The following GRIN2B variants were observed in gnomAD, a reference collection of about 807,000 sequenced individuals.
GRIN2B encodes the protein glutamate receptor ionotropic, NMDA 2B.
Under a neutral mutation model 114.5 loss-of-function variants are expected in GRIN2B, and 5 were observed. That is an observed-to-expected ratio of 0.04 (90% confidence interval 0.02 to 0.09). GRIN2B has a LOEUF of 0.09. GRIN2B is among the 10% of genes least tolerant of loss of function. The pLI, the probability that GRIN2B is intolerant of heterozygous loss-of-function variation, is 1.00. For missense variants in GRIN2B, 1,108 were observed against 1,943.5 expected, an observed-to-expected ratio of 0.57 and a Z score of 8.08; for synonymous variants, 787 against 745.1, an observed-to-expected ratio of 1.06 and a Z score of -0.92.
intron 5 of GRIN2B, among the ~76,000 whole-genome samples, chr12:13,622,311 C>T (rs1033279798): frequency 6.6e-6 from 1 of 152,132 alleles, no homozygotes; most frequent in African/African-American, 2.4e-5. Flanking sequence ...CATGCTATTT[C>T]CCTGAGCAAG....
At chr12:13,957,365 CAGAG>C (rs1219108081) in intron 2 of GRIN2B, among the ~76,000 whole-genome samples, 10 of 151,688 alleles carry the variant, frequency 6.6e-5, no homozygotes, top group Non-Finnish European at 1.3e-4. Context: ...AAGCTTGAGA[CAGAG>C]AGAGAGAGGA....
chr12:13,778,465 A>G (rs750135682), intron 3 of GRIN2B, among the ~76,000 whole-genome samples: 4 of 152,212 alleles, frequency 2.6e-5, no homozygotes, highest in Admixed American at 2.0e-4. Context: ...AGCCAGCCTT[A>G]GGGAGGGGAC....
At chr12:13,574,804 A>AG (rs1160270700) in intron 10 of GRIN2B, among the ~76,000 whole-genome samples, 2 of 152,268 alleles carry the variant, frequency 1.3e-5, no homozygotes, top group Non-Finnish European at 2.9e-5. Context: ...AGGAAAAAAA[A>AG]GTTAAAGGAT....
intron 10 of GRIN2B, among the ~76,000 whole-genome samples, chr12:13,603,582 C>A (rs543971670): frequency 6.6e-6 from 1 of 151,846 alleles, no homozygotes; most frequent in East Asian, 1.9e-4. Flanking sequence ...AAAAATCTTA[C>A]CTGGGAAGTT....
intron 4 of GRIN2B, among the ~76,000 whole-genome samples, chr12:13,737,716 T>C (rs191419643): frequency 9.8e-5 from 15 of 152,294 alleles, no homozygotes; most frequent in African/African-American, 3.6e-4. Flanking sequence ...AAGCCAATGA[T>C]AAAAATTACC....
intron 2 of GRIN2B, among the ~76,000 whole-genome samples, chr12:13,947,567 A>G (rs1867383942): frequency 6.6e-6 from 1 of 152,196 alleles, no homozygotes; most frequent in South Asian, 2.1e-4. Flanking sequence ...TCCAGTAGCA[A>G]TCCTATCCAC....
chr12:13,729,129 T>G (rs543443631), intron 4 of GRIN2B, among the ~76,000 whole-genome samples: 1 of 152,188 alleles, frequency 6.6e-6, no homozygotes, highest in African/African-American at 2.4e-5. Flanking sequence ...TATTTTTCTG[T>G]TTTTTTCTTA....
intron 5 of GRIN2B, 120 bp downstream of exon 5, chr12:13,675,625 A>T: frequency 1.3e-6 from 1 of 743,974 alleles, no homozygotes; most frequent in South Asian, 1.4e-5. Flanking sequence ...GTATCAAGGT[A>T]TTGATCCCTT....
chr12:13,676,740 G>A (rs1950078216), intron 4 of GRIN2B, among the ~76,000 whole-genome samples: 1 of 152,058 alleles, frequency 6.6e-6, no homozygotes, highest in African/African-American at 2.4e-5. Flanking sequence ...TCTTGCTAAG[G>A]TCTTGCCAAG....
intron 3 of GRIN2B, among the ~76,000 whole-genome samples, chr12:13,853,838 C>T (rs1452689453): frequency 6.6e-6 from 1 of 152,026 alleles, no homozygotes; most frequent in East Asian, 1.9e-4. Flanking sequence ...CATTTGCTGC[C>T]CCGAAATAAT....
intron 2 of GRIN2B, among the ~76,000 whole-genome samples, chr12:13,949,616 G>A (rs983645074): frequency 2.6e-5 from 4 of 152,186 alleles, no homozygotes; most frequent in African/African-American, 9.7e-5. Context: ...AGCCTCTACA[G>A]GAGGGTGTCA....
chr12:13,606,152 T>C (rs1261069272), intron 10 of GRIN2B, among the ~76,000 whole-genome samples: 1 of 152,192 alleles, frequency 6.6e-6, no homozygotes, highest in Non-Finnish European at 1.5e-5. Flanking sequence ...ACATCCATGT[T>C]TTAGGGTGGT....
Position 13,542,165 on chromosome 12 carries a change from A to G in GRIN2B, c.*20618T>C, listed in dbSNP as rs1177141949. 6.6e-6 allele frequency: 1 copy of G among 152,226 alleles called. No individual in the cohort carries two copies. Among genetic ancestry groups the G allele is most frequent in the Non-Finnish European group, 1.5e-5 (1 of 68,044 alleles). The allele number at this position is 152,226 out of a possible 1,614,324, so 9.4% of individuals were successfully genotyped here. On this transcript the variant is annotated 3_prime_UTR_variant, in exon 14 of 14. Coordinates refer to ENST00000609686, the MANE Select transcript of GRIN2B (RefSeq NM_000834.5). ...TGTTTCTGTCACAAAAGAAAATACA[A>G]AATCAAAATGATCTGTCAGAGAAAA...
intron 2 of GRIN2B, among the ~76,000 whole-genome samples, chr12:13,957,201 C>T (rs946399387): frequency 4.6e-5 from 7 of 152,142 alleles, no homozygotes; most frequent in South Asian, 2.1e-4. Context: ...GGACTCGGCT[C>T]AGCTGCAACA....
chr12:13,715,133 C>T (rs894823100), intron 4 of GRIN2B, among the ~76,000 whole-genome samples: 2 of 151,744 alleles, frequency 1.3e-5, no homozygotes. Flanking sequence ...ATGAAGAAGA[C>T]AATGATGTTC....
chr12:13,796,730 A>G (rs1464990021), intron 3 of GRIN2B, among the ~76,000 whole-genome samples: 2 of 152,168 alleles, frequency 1.3e-5, no homozygotes, highest in African/African-American at 4.8e-5. Context: ...ATTCCCCTGC[A>G]GGCTTGGGAG....
intron 4 of GRIN2B, among the ~76,000 whole-genome samples, chr12:13,689,041 TTTCTC>T (rs1415736345): frequency 1.3e-5 from 2 of 152,156 alleles, no homozygotes; most frequent in African/African-American, 4.8e-5. Context: ...GCCTTTATCT[TTTCTC>T]TTATTTTACT....
At chr12:13,597,969 C>T (rs966561731) in intron 10 of GRIN2B, among the ~76,000 whole-genome samples, 13 of 152,156 alleles carry the variant, frequency 8.5e-5, no homozygotes, top group African/African-American at 2.7e-4. Flanking sequence ...TAAAACTCAA[C>T]GTGATGCCAG....
chr12:13,899,870 G>C (rs1591610559), intron 2 of GRIN2B, among the ~76,000 whole-genome samples: 2 of 106,048 alleles, frequency 1.9e-5, no homozygotes, highest in East Asian at 1.9e-4. Flanking sequence ...TTTCACCATA[G>C]TCTTTGAGTC....
Sources: gnomAD v4.1 joint callset for allele counts (sites outside exome capture counted in the v4.1 genomes callset) on GRCh38, gnomAD v4.1.1 for gene constraint, MANE v1.5 for transcripts, NCBI Gene and HGNC (gene_info 2026-07-23, HGNC 2026-07-21) for gene names.